The following SUMF1 variants were observed in gnomAD, a reference collection of about 807,000 sequenced individuals.
SUMF1 encodes formylglycine-generating enzyme.
SUMF1 carries 48 observed loss-of-function variants against 47.6 expected under a neutral mutation model. The ratio of observed to expected loss-of-function variants is 1.01; its 90% confidence interval spans 0.80 to 1.28. The LOEUF (loss-of-function observed/expected upper bound fraction) is 1.28. Ranked by LOEUF, SUMF1 falls within the 50% of genes most tolerant of loss-of-function variation. The probability of loss-of-function intolerance (pLI) is 0.00; values close to 1 mark genes in which losing one functional copy is unlikely to be tolerated. For missense variants in SUMF1, 571 were observed against 485.4 expected, an observed-to-expected ratio of 1.18 and a Z score of -1.66; for synonymous variants, 230 against 192.1, an observed-to-expected ratio of 1.20 and a Z score of -1.63.
rs1213784165 is a variant in SUMF1, at chr3:4,039,208, A to ATTT, written c.1191+29360_1191+29361insAAA. Among the ~76,000 whole-genome samples, 254 of 46,088 alleles carry ATTT rather than the reference A, an allele frequency of 5.5e-3. 2 individuals carry two copies. The highest frequency in any genetic ancestry group is 0.016 in the East Asian group (16 of 976). 30.2% of individuals were successfully genotyped at this position (46,088 alleles called of 152,430 possible). A position where few individuals can be genotyped will look rare whatever the true frequency, so the allele number is the denominator to read the frequency against. On this transcript the variant is annotated intron_variant and NMD_transcript_variant, in intron 9 of 12. Transcript: ENST00000448413. ...CAAGCATGCCTGAAACATCTATGCA[A>ATTT]ATTTTTTTTTTTTTTTTTTTTTTTT...
intron 8 of SUMF1, among the ~76,000 whole-genome samples, chr3:4,284,310 G>A (rs551863540): frequency 3.6e-4 from 55 of 152,058 alleles, no homozygotes; most frequent in Admixed American, 7.9e-4. Flanking sequence ...TACCCGGGGG[G>A]CTGAGGTGGG....
At chr3:4,147,801 A>G (rs1314139811) in intron 8 of SUMF1, among the ~76,000 whole-genome samples, 9 of 152,142 alleles carry the variant, frequency 5.9e-5, no homozygotes. Context: ...GAATGATCAT[A>G]TCAATCGGAG....
intron 8 of SUMF1, among the ~76,000 whole-genome samples, chr3:4,173,383 G>C (rs552560356): frequency 6.6e-6 from 1 of 152,290 alleles, no homozygotes; most frequent in African/African-American, 2.4e-5. Context: ...GGAAACAACA[G>C]ATGCTGGAGA....
intron 8 of SUMF1, among the ~76,000 whole-genome samples, chr3:4,245,030 G>C (rs1696630574): frequency 6.6e-6 from 1 of 151,528 alleles, no homozygotes; most frequent in African/African-American, 2.4e-5. Flanking sequence ...TGATGGTGTT[G>C]GCTACTGAAG....
chr3:4,128,154 G>C (rs1290929140), intron 8 of SUMF1, among the ~76,000 whole-genome samples: 1 of 152,136 alleles, frequency 6.6e-6, no homozygotes, highest in East Asian at 1.9e-4. Flanking sequence ...ATTGCCCTGA[G>C]TAAGATTCTT....
chr3:4,136,414 C>G (rs1179103966), intron 8 of SUMF1, among the ~76,000 whole-genome samples: 1 of 152,002 alleles, frequency 6.6e-6, no homozygotes, highest in South Asian at 2.1e-4. Flanking sequence ...AACTGGCTAG[C>G]CATATGTAGA....
At chr3:4,459,575 T>C (rs923692546) in intron 1 of SUMF1, among the ~76,000 whole-genome samples, 4 of 152,230 alleles carry the variant, frequency 2.6e-5, no homozygotes, top group Non-Finnish European at 4.4e-5. Flanking sequence ...AAAATGGTGC[T>C]GTTTTCATTT....
chr3:4,347,223 A>T (rs1401292243), intron 8 of SUMF1, among the ~76,000 whole-genome samples: 1 of 152,162 alleles, frequency 6.6e-6, no homozygotes, highest in Non-Finnish European at 1.5e-5. Context: ...GGGAAGAGAC[A>T]CTACAAAAAA....
At chr3:4,084,011 A>G (rs1490411323) in intron 8 of SUMF1, among the ~76,000 whole-genome samples, 2 of 152,138 alleles carry the variant, frequency 1.3e-5, no homozygotes, top group Non-Finnish European at 2.9e-5. Flanking sequence ...AAAAACAATG[A>G]TGTTTATTTC....
At chr3:4,233,034 TAAGTA>T (rs1204641843) in intron 8 of SUMF1, among the ~76,000 whole-genome samples, 1 of 152,126 alleles carries the variant, frequency 6.6e-6, no homozygotes, top group African/African-American at 2.4e-5. Flanking sequence ...CCTCTGGTGT[TAAGTA>T]AAGCAAACAT....
intron 3 of SUMF1, among the ~76,000 whole-genome samples, chr3:4,428,395 C>A (rs535675657): frequency 1.3e-5 from 2 of 152,066 alleles, no homozygotes; most frequent in Admixed American, 1.3e-4. Context: ...GCTCTGTCAC[C>A]CAGGTTGGAG....
intron 8 of SUMF1, among the ~76,000 whole-genome samples, chr3:4,244,127 C>T (rs1437731753): frequency 6.6e-6 from 1 of 152,116 alleles, no homozygotes; most frequent in Non-Finnish European, 1.5e-5. Context: ...GATCTTCCTC[C>T]ATCCCTTTAT....
chr3:4,334,972 G>A (rs949440031), intron 8 of SUMF1, among the ~76,000 whole-genome samples: 4 of 152,100 alleles, frequency 2.6e-5, no homozygotes, highest in Admixed American at 2.0e-4. Flanking sequence ...AGAGAGAGAG[G>A]CTGGGAAGGC....
At chr3:4,242,057 A>G (rs1696549638) in intron 8 of SUMF1, among the ~76,000 whole-genome samples, 1 of 152,084 alleles carries the variant, frequency 6.6e-6, no homozygotes, top group Non-Finnish European at 1.5e-5. Flanking sequence ...GTCTAGGGGT[A>G]TGATCCTTGC....
intron 8 of SUMF1, among the ~76,000 whole-genome samples, chr3:4,317,976 A>G (rs1698728952): frequency 6.6e-6 from 1 of 152,176 alleles, no homozygotes; most frequent in South Asian, 2.1e-4. Flanking sequence ...AAAAGTCACT[A>G]AGAGGTGACC....
chr3:4,353,912 G>A (rs1316603644), intron 8 of SUMF1, among the ~76,000 whole-genome samples: 2 of 152,110 alleles, frequency 1.3e-5, no homozygotes, highest in South Asian at 2.1e-4. Context: ...CACCCAGGCT[G>A]GAGTGCAGCA....
rs73806974 is a variant in SUMF1, at chr3:4,277,888, C to T, written c.1014+98442G>A. ...CCCATCCAAAGTTTTAAGGTATTGA[C>T]GTGGTAATCTAATCATCACTATCAT... On this transcript the variant is annotated intron_variant and NMD_transcript_variant, in intron 8 of 12. Coordinates refer to the SUMF1 transcript ENST00000448413. 3.7e-3 allele frequency among the ~76,000 whole-genome samples: 559 copies of T among 152,080 alleles called. 4 individuals carry two copies. The highest frequency in any genetic ancestry group is 0.013 in the African/African-American group (534 of 41,490).
chr3:4,083,361 G>A (rs188470058), intron 8 of SUMF1, among the ~76,000 whole-genome samples: 1 of 152,212 alleles, frequency 6.6e-6, no homozygotes, highest in East Asian at 1.9e-4. Context: ...CAAAAGTTCA[G>A]CAATCAAACC....
At chr3:4,371,693 G>A (rs1382175358) in intron 8 of SUMF1, among the ~76,000 whole-genome samples, 1 of 152,150 alleles carries the variant, frequency 6.6e-6, no homozygotes, top group African/African-American at 2.4e-5. Context: ...AGTATTTCTT[G>A]AGTACTTACT....
Sources: allele counts gnomAD v4.1 joint callset (sites outside exome capture counted in the v4.1 genomes callset), GRCh38; gene constraint gnomAD v4.1.1; transcripts MANE v1.5; gene names NCBI Gene and HGNC (gene_info 2026-07-23, HGNC 2026-07-21).